The following NEDD4 variants were observed in gnomAD, a reference collection of about 807,000 sequenced individuals.
NEDD4 encodes the protein NEDD4 E3 ubiquitin protein ligase.
NEDD4 carries 99 observed loss-of-function variants against 144.9 expected under a neutral mutation model. The observed-to-expected ratio is 0.68, with a 90% CI of 0.58 to 0.81. The LOEUF is 0.81. NEDD4 is among the 30% of genes least tolerant of loss of function. The pLI, the probability that NEDD4 is intolerant of heterozygous loss-of-function variation, is 0.00. For missense variants in NEDD4, 985 were observed against 1,065.9 expected (o/e 0.92, Z 1.06); for synonymous variants, 318 against 350.6 (o/e 0.91, Z 1.04).
intron 4 of NEDD4, among the ~76,000 whole-genome samples, chr15:55,945,959 G>C (rs1033126010): frequency 2.6e-5 from 4 of 152,004 alleles, no homozygotes; most frequent in African/African-American, 9.7e-5. Flanking sequence ...CAAGCTGAGA[G>C]ATTTTGTCAC....
intron 2 of NEDD4, among the ~76,000 whole-genome samples, chr15:55,959,108 CAA>C (rs2037385960): frequency 6.6e-6 from 1 of 151,380 alleles, no homozygotes; most frequent in Non-Finnish European, 1.5e-5. Context: ...GGTCAGAACT[CAA>C]AACATTCATT....
chr15:55,969,577 A>T (rs2037573816), intron 1 of NEDD4, among the ~76,000 whole-genome samples: 1 of 152,140 alleles, frequency 6.6e-6, no homozygotes, highest in Non-Finnish European at 1.5e-5. Flanking sequence ...CAGCACACCC[A>T]CAATAAAATA....
At chr15:55,968,866 A>C (rs1232559841) in intron 1 of NEDD4, among the ~76,000 whole-genome samples, 2 of 152,232 alleles carry the variant, frequency 1.3e-5, no homozygotes, top group East Asian at 1.9e-4. Flanking sequence ...ATGGAGGAGG[A>C]GGCGGAGCAA....
intron 4 of NEDD4, among the ~76,000 whole-genome samples, chr15:55,936,913 C>G (rs2036901885): frequency 6.6e-6 from 1 of 152,040 alleles, no homozygotes; most frequent in Non-Finnish European, 1.5e-5. Flanking sequence ...CTGCCTCACC[C>G]TCTTGAGTAG....
At chr15:55,958,670 T>C (rs1289311893) in intron 2 of NEDD4, among the ~76,000 whole-genome samples, 3 of 152,162 alleles carry the variant, frequency 2.0e-5, no homozygotes, top group Non-Finnish European at 2.9e-5. Flanking sequence ...TCAATTTCTT[T>C]TAACAACAAA....
chr15:55,951,440 C>T (rs1424805585), intron 3 of NEDD4, 26 bp from the exon 4 acceptor site: 4 of 1,235,832 alleles, frequency 3.2e-6, no homozygotes, highest in Middle Eastern at 2.7e-4. Context: ...CATAGTATAA[C>T]TAAATAAGGT....
At position 55,862,951 on chromosome 15, in the gene NEDD4, A is replaced by T; in HGVS notation, c.636T>A (p.His212Gln). Residue 212 changes from histidine to glutamine, a missense_variant, in exon 9 of 29, where the codon CAT becomes CAA. Physicochemically the swap from His to Gln is conservative, Grantham distance 24. Coordinates refer to ENST00000435532, the MANE Select transcript of NEDD4 (RefSeq NM_006154.4). ...TTTTCCACTGTGTTCTTCTAGATTC[A>T]TGGTTTACATAATAGGTCCTTCCAA... ...DILGRTYYVN[H>Q]ESRRTQWKRP... 6.2e-7 allele frequency: 1 copy of T among 1,610,354 alleles called. No homozygotes were observed. Among genetic ancestry groups the T allele is most frequent in the African/African-American group, 1.3e-5 (1 of 74,968 alleles).
chr15:55,836,331 GACACACACACACACACACACAC>G (rs10526731), intron 24 of NEDD4, among the ~76,000 whole-genome samples: 4 of 147,942 alleles, frequency 2.7e-5, no homozygotes, highest in Admixed American at 2.0e-4. Context: ...AAAAGTATGT[GACACACACACACACACACACAC>G]ACACACACAC....
At chr15:55,901,917 A>G (rs546076623) in intron 5 of NEDD4, among the ~76,000 whole-genome samples, 1 of 152,224 alleles carries the variant, frequency 6.6e-6, no homozygotes, top group Non-Finnish European at 1.5e-5. Context: ...CATAAATTTT[A>G]TATTATATAA....
chr15:55,902,353 C>A (rs942222630), intron 5 of NEDD4, among the ~76,000 whole-genome samples: 9 of 152,034 alleles, frequency 5.9e-5, no homozygotes, highest in Non-Finnish European at 1.3e-4. Flanking sequence ...ATTTATCTAG[C>A]CAAAACAGTT....
In NEDD4 at chr15:55,945,259, ACCTTGAAAAAAGGTTAG is replaced by A. The variant is rs369618436; in HGVS notation, c.237+6100_237+6116del. 4.0e-3 allele frequency among the ~76,000 whole-genome samples: 615 copies of A among 152,094 alleles called. 3 individuals are homozygous for A. Among genetic ancestry groups the A allele is most frequent in the African/African-American group, 0.014 (576 of 41,472 alleles). ...CTAACCCATTGCAAGGAACCTAAAA[ACCTTGAAAAAAGGTTAG>A]CCCAATGGCTAACTAGAATAAATAG... On this transcript the variant is annotated intron_variant, in intron 4 of 28. Transcript: ENST00000435532.
At chr15:55,939,439 C>A (rs570893294) in intron 4 of NEDD4, among the ~76,000 whole-genome samples, 189 of 152,282 alleles carry the variant, frequency 1.2e-3, no homozygotes, top group Non-Finnish European at 2.5e-3. Flanking sequence ...TCAGTTAAAC[C>A]TCCTTTGTTT....
At chr15:55,946,676 C>T (rs59912282) in intron 4 of NEDD4, among the ~76,000 whole-genome samples, 51,596 of 152,014 alleles carry the variant, frequency 0.34, 8,883 homozygotes, top group South Asian at 0.38. Context: ...ATCTACAGAA[C>T]TCTCCACCCC....
intron 5 of NEDD4, among the ~76,000 whole-genome samples, chr15:55,883,696 A>AAC (rs3049242): frequency 0.13 from 14,443 of 112,086 alleles, 716 homozygotes; most frequent in Admixed American, 0.19. Context: ...CACACACACA[A>AAC]ACACACACAC....
rs1221014839 is a variant in NEDD4 at position 55,990,095 on chromosome 15, G to A, written c.45+3416C>T. On this transcript the variant is annotated intron_variant, in intron 1 of 28. Transcript: ENST00000435532. ...TCCCATTACCGTCACCCACACTTGG[G>A]ACCATCTAGTTGCAGGAAAACAAGC... is the stretch of plus-strand genomic sequence containing the variant. Among the ~76,000 whole-genome samples the A allele has an allele frequency of 4.0e-5, 6 of 151,538 alleles. No homozygotes were observed. In the Admixed American group the frequency reaches 4.0e-4, roughly 10 times the overall value.
intron 4 of NEDD4, among the ~76,000 whole-genome samples, chr15:55,944,781 G>T (rs887286956): frequency 6.6e-5 from 10 of 152,164 alleles, no homozygotes; most frequent in African/African-American, 2.4e-4. Flanking sequence ...CTGGGACAAA[G>T]CTTCCAGAGG....
intron 1 of NEDD4, among the ~76,000 whole-genome samples, chr15:55,975,826 A>G (rs2037689755): frequency 6.6e-6 from 1 of 152,260 alleles, no homozygotes; most frequent in Non-Finnish European, 1.5e-5. Context: ...AGCCAAAGTC[A>G]TCCTGAGCAA....
intron 5 of NEDD4, among the ~76,000 whole-genome samples, chr15:55,879,053 A>G (rs1306306030): frequency 1.3e-5 from 2 of 152,174 alleles, no homozygotes; most frequent in Admixed American, 1.3e-4. Context: ...CAAACTACTG[A>G]CCCCAGGTGA....
At chr15:55,978,936 A>C (rs921616274) in intron 1 of NEDD4, among the ~76,000 whole-genome samples, 3 of 151,504 alleles carry the variant, frequency 2.0e-5, no homozygotes, top group South Asian at 4.2e-4. Context: ...AAAAAAAAAA[A>C]AACAAGAACA....
Sources: gnomAD v4.1 joint callset for allele counts (sites outside exome capture counted in the v4.1 genomes callset) on GRCh38, gnomAD v4.1.1 for gene constraint, MANE v1.5 for transcripts, NCBI Gene and HGNC (gene_info 2026-07-23, HGNC 2026-07-21) for gene names.